IFI30: variants seen among roughly 807,000 people sequenced by gnomAD.
IFI30 encodes gamma-interferon-inducible lysosomal thiol reductase.
A neutral mutation model predicts 30.1 loss-of-function variants in IFI30; 26 were observed. That is an observed-to-expected ratio of 0.87 (90% confidence interval 0.63 to 1.20). The LOEUF (loss-of-function observed/expected upper bound fraction) is 1.20, where lower values mean the gene tolerates loss of function less well. IFI30 is among the 50% of genes most tolerant of loss of function. IFI30 has a pLI of 0.00. For synonymous variants in IFI30, 149 were observed against 134.5 expected (o/e 1.11, Z -0.75); for missense variants, 296 against 312.5 (o/e 0.95, Z 0.40).
chr19:18,177,075 G>A (rs1445701145), intron 4 of IFI30, 65 bp from the exon 5 acceptor site: 18 of 1,463,732 alleles, frequency 1.2e-5, no homozygotes, highest in Non-Finnish European at 1.6e-5. Flanking sequence ...CTCAGGGCTG[G>A]TGGGCGGGAC....
At chr19:18,175,482 G>A in intron 3 of IFI30, 97 bp downstream of exon 3, 1 of 1,394,388 alleles carries the variant, frequency 7.2e-7, no homozygotes, top group East Asian at 2.5e-5. Context: ...TGCCTCGTGT[G>A]CTCCCATTTA....
In IFI30 at chr19:18,177,901, G is replaced by A; in HGVS notation, c.743G>A (p.Cys248Tyr). 1 of 1,591,256 alleles carries A rather than the reference G, an allele frequency of 6.3e-7. No individual in the cohort carries two copies. Among genetic ancestry groups the A allele is most frequent in the Middle Eastern group, 1.7e-4 (1 of 5,938 alleles). The change falls in exon 7 of 7, where the codon TGC becomes TAC. Residue 248 changes from cysteine to tyrosine, a missense_variant. By Grantham distance (194) the Cys-to-Tyr change is radical. Coordinates refer to ENST00000407280, the MANE Select transcript of IFI30 (RefSeq NM_006332.5). ...TCAACCAGCTCCCTCAGGAGTGTTT[G>A]CTTCAAGTGATGGCCGGTGAGCTGC... Reference protein sequence around the residue: ...PSSTSSLRSVCFK With the variant: ...PSSTSSLRSVYFK
At chr19:18,177,080 C>A (rs200376) in intron 4 of IFI30, 60 bp from the exon 5 acceptor site, 1 of 1,471,460 alleles carries the variant, frequency 6.8e-7, no homozygotes, top group Non-Finnish European at 9.1e-7. Flanking sequence ...GGCTGGTGGG[C>A]GGGACCGTTG....
Position 18,175,367 on chromosome 19 carries a change from C to T in IFI30, c.372C>T (p.Cys124=), listed in dbSNP as rs1188517987. 6.3e-7 allele frequency: 1 copy of T among 1,591,370 alleles called. No homozygotes were observed. The highest frequency in any genetic ancestry group is 8.5e-7 in the Non-Finnish European group (1 of 1,169,664). ...EFKCQHGEEE[C]KFNKVEACVL... ...AGTGCCAGCATGGAGAAGAGGAGTG[C>T]AAATTCAACAAGGTGGAGGTGAGCG... Residue 124 remains cysteine, a synonymous_variant, in exon 3 of 7, where the codon TGC becomes TGT. Transcript: ENST00000407280.
rs898837198 is a variant in IFI30, at chr19:18,177,642, G to A, written c.637-69G>A. ...TTGGGAATATGTGCAGCCCTTTCTGGGCTGGAACCAGGGTGCATGGGTTGG... is the reference window on the plus strand; with the variant it reads ...TTGGGAATATGTGCAGCCCTTTCTGAGCTGGAACCAGGGTGCATGGGTTGG... On this transcript the variant is annotated intron_variant, in intron 5 of 6. Coordinates refer to ENST00000407280, the MANE Select transcript of IFI30 (RefSeq NM_006332.5). The A allele has an allele frequency of 5.1e-6, 8 of 1,571,024 alleles. No individual in the cohort carries two copies. In the African/African-American group the frequency reaches 1.1e-4, roughly 21 times the overall value.
In IFI30 at chr19:18,175,376, C is replaced by T. The variant is rs1159760357; in HGVS notation, c.381C>T (p.Asn127=). Reference sequence around the variant, plus strand: ...ATGGAGAAGAGGAGTGCAAATTCAACAAGGTGGAGGTGAGCGGCCCCAGGG... The same window carrying T: ...ATGGAGAAGAGGAGTGCAAATTCAATAAGGTGGAGGTGAGCGGCCCCAGGG... The part of the protein sequence containing the change: ...CQHGEEECKF[N]KVEACVLDEL... Residue 127 remains asparagine, a synonymous_variant, in exon 3 of 7, where the codon AAC becomes AAT. Coordinates refer to ENST00000407280, the MANE Select transcript of IFI30 (RefSeq NM_006332.5). 6.3e-7 allele frequency: 1 copy of T among 1,590,212 alleles called. No homozygotes were observed. Among genetic ancestry groups the T allele is most frequent in the African/African-American group, 1.3e-5 (1 of 74,494 alleles).
chr19:18,175,065 C>A lies in IFI30; in HGVS notation c.158C>A (p.Pro53His). 1 of 1,613,788 alleles carries A rather than the reference C, an allele frequency of 6.2e-7. No individual in the cohort carries two copies. The highest frequency in any genetic ancestry group is 1.3e-5 in the African/African-American group (1 of 75,020). The change falls in exon 2 of 7, where the codon CCC becomes CAC. Residue 53 changes from proline to histidine, a missense_variant. Coordinates refer to ENST00000407280, the MANE Select transcript of IFI30 (RefSeq NM_006332.5). ...ACAGGCAATCTATACCTGCGGGGGC[C>A]CCTGAAGAAGTCCAATGCACCGCTT... ...YKTGNLYLRG[P>H]LKKSNAPLVN...
chr19:18,175,345 G>A lies in IFI30; in HGVS notation c.350G>A (p.Cys117Tyr). 5 of 1,592,534 alleles carry A rather than the reference G, an allele frequency of 3.1e-6. No homozygotes were observed. Among genetic ancestry groups the A allele is most frequent in the Non-Finnish European group, 3.4e-6 (4 of 1,170,314 alleles). ...GTCAGTGGCAGGTGGGAGTTCAAGT[G>A]CCAGCATGGAGAAGAGGAGTGCAAA... ...QNVSGRWEFK[C>Y]QHGEEECKFN... Residue 117 changes from cysteine (C) to tyrosine (Y), a missense_variant, in exon 3 of 7, where the codon TGC becomes TAC. By Grantham distance (194) the Cys-to-Tyr change is radical. Coordinates refer to ENST00000407280, the MANE Select transcript of IFI30 (RefSeq NM_006332.5).
At position 18,175,611 on chromosome 19, in the gene IFI30, G is replaced by A. The variant is rs772144480; in HGVS notation, c.397G>A (p.Val133Met). ...CCCCCTCTCCAAACCCCAGGCCTGC[G>A]TGTTGGATGAACTTGACATGGAGCT... ...ECKFNKVEACVLDELDMELAF... is the reference protein window; with the variant it reads ...ECKFNKVEACMLDELDMELAF... Residue 133 changes from valine (V) to methionine (M), a missense_variant, in exon 4 of 7, where the codon GTG (valine) becomes ATG (methionine). By Grantham distance (21) the Val-to-Met change is conservative. Coordinates refer to ENST00000407280, the MANE Select transcript of IFI30 (RefSeq NM_006332.5). The A allele has an allele frequency of 9.3e-6, 15 of 1,608,560 alleles. No homozygotes were observed. In the South Asian group the frequency reaches 1.0e-4, roughly 11 times the overall value.
At chr19:18,176,141 CTTTTTTTTTTTTTTTTTT>C (rs71336666) in intron 4 of IFI30, among the ~76,000 whole-genome samples, 23 of 56,452 alleles carry the variant, frequency 4.1e-4, no homozygotes, top group Admixed American at 1.8e-3. Context: ...GCACCCAGCC[CTTTTTTTTTTTTTTTTTT>C]TTTTTTTTTT....
intron 3 of IFI30, 88 bp from the exon 4 acceptor site, chr19:18,175,517 T>G (rs1967258658): frequency 1.4e-6 from 2 of 1,394,302 alleles, no homozygotes; most frequent in South Asian, 2.5e-5. Flanking sequence ...CCCTATCTCC[T>G]GGGTGGGTAC....
chr19:18,177,460 A>T (rs940782353), intron 5 of IFI30, 168 bp downstream of exon 5: 3 of 840,996 alleles, frequency 3.6e-6, no homozygotes, highest in Non-Finnish European at 5.5e-6. Flanking sequence ...ATAGCTTTGC[A>T]TAGGGAAAGA....
Position 18,175,035 on chromosome 19 carries a change from C to G in IFI30, c.133-5C>G. On this transcript the variant is annotated splice_region_variant and splice_polypyrimidine_tract_variant and intron_variant, in intron 1 of 6. Transcript: ENST00000407280. ...ACCTGCCTCCCACGCCTTCCTAATCCACAGACAGGCAATCTATACCTGCGG... is the reference window on the plus strand; with the variant it reads ...ACCTGCCTCCCACGCCTTCCTAATCGACAGACAGGCAATCTATACCTGCGG... 5 of 1,612,308 alleles carry G rather than the reference C, an allele frequency of 3.1e-6. No individual in the cohort carries two copies. Among genetic ancestry groups the G allele is most frequent in the Non-Finnish European group, 4.2e-6 (5 of 1,178,750 alleles).
intron 3 of IFI30, 101 bp downstream of exon 3, chr19:18,175,486 C>G (rs564510290): frequency 7.2e-7 from 1 of 1,386,752 alleles, no homozygotes; most frequent in Admixed American, 2.0e-5. Flanking sequence ...TCGTGTGCTC[C>G]CATTTAATCA....
Position 18,175,086 on chromosome 19 carries a change from C to T in IFI30, c.179C>T (p.Pro60Leu), listed in dbSNP as rs140704918. 2.9e-3 allele frequency: 4,660 copies of T among 1,613,836 alleles called. 8 individuals are homozygous for T. The highest frequency in any genetic ancestry group is 6.1e-3 in the Admixed American group (368 of 59,980). The part of the protein sequence containing the change: ...LRGPLKKSNA[P>L]LVNVTLYYEA... ...GGGCCCCTGAAGAAGTCCAATGCACCGCTTGTCAATGTGACCCTCTACTAT... is the reference window on the plus strand; with the variant it reads ...GGGCCCCTGAAGAAGTCCAATGCACTGCTTGTCAATGTGACCCTCTACTAT... The change falls in exon 2 of 7, where the codon CCG becomes CTG. Residue 60 changes from proline (P) to leucine (L), a missense_variant. Pro to Leu is a moderately conservative substitution (Grantham distance 98, BLOSUM62 -3). Coordinates refer to ENST00000407280, the MANE Select transcript of IFI30 (RefSeq NM_006332.5).
Position 18,177,967 on chromosome 19 carries a change from C to CT in IFI30, c.*63dup. 6.5e-7 allele frequency: 1 copy of CT among 1,535,846 alleles called. No individual in the cohort carries two copies. Among genetic ancestry groups the CT allele is most frequent in the Non-Finnish European group, 8.8e-7 (1 of 1,133,980 alleles). On this transcript the variant is annotated 3_prime_UTR_variant, in exon 7 of 7. Transcript: ENST00000407280. ...GGCGAGTGGGAACCCGGCTGCCTGC[C>CT]TTTTTTTCTGATCCAGACCCTCGGC...
rs1438891338 is a variant in IFI30, at chr19:18,177,809, G to A, written c.691-40G>A. 5.6e-6 allele frequency: 9 copies of A among 1,610,104 alleles called. No homozygotes were observed. The Admixed American group carries it at 1.3e-4, about 24-fold the overall frequency. On this transcript the variant is annotated intron_variant, in intron 6 of 6. Transcript: ENST00000407280. The stretch of plus-strand genomic sequence containing the variant: ...GTGGGATTCAGGTGGTGGGGGTAGG[G>A]TCTCCTTCCAGGACCCCAACTCATG...
rs1227760296 is a variant in IFI30, at chr19:18,177,195, T to TG, written c.544dup (p.Asp182GlyfsTer111). 1.9e-6 allele frequency: 3 copies of TG among 1,577,416 alleles called. No individual in the cohort carries two copies. Among genetic ancestry groups the TG allele is most frequent in the Non-Finnish European group, 2.6e-6 (3 of 1,161,710 alleles). Reference sequence around the variant, plus strand: ...CCAGACACTATCATGGAGTGTGCAATGGGGGACCGCGGCATGCAGCTCATG... The same window carrying TG: ...CCAGACACTATCATGGAGTGTGCAATGGGGGGACCGCGGCATGCAGCTCATG... On this transcript the variant is annotated frameshift_variant, in exon 5 of 7. Transcript: ENST00000407280. LOFTEE classifies it high-confidence loss of function.
intron 5 of IFI30, 31 bp downstream of exon 5, chr19:18,177,323 C>T (rs1218229391): frequency 1.3e-6 from 2 of 1,560,586 alleles, no homozygotes; most frequent in East Asian, 2.4e-5. Context: ...CAGCTTGACA[C>T]TCATAGTCCC....
Sources: allele counts gnomAD v4.1 joint callset (sites outside exome capture counted in the v4.1 genomes callset), GRCh38; gene constraint gnomAD v4.1.1; transcripts MANE v1.5; gene names NCBI Gene and HGNC (gene_info 2026-07-23, HGNC 2026-07-21).